WWOX: variants seen among roughly 807,000 people sequenced by gnomAD.
WWOX encodes the protein WW domain containing oxidoreductase.
Under a neutral mutation model 46.2 loss-of-function variants are expected in WWOX, and 69 were observed. The ratio of observed to expected loss-of-function variants is 1.49; its 90% CI spans 1.23 to 1.82. The LOEUF is 1.82. WWOX is among the 40% of genes most tolerant of loss of function. The pLI is 0.00. For synonymous variants in WWOX, 359 were observed against 202.6 expected (o/e 1.77, Z -6.56); for missense variants, 919 against 542.6 (o/e 1.69, Z -6.89).
intron 8 of WWOX, among the ~76,000 whole-genome samples, chr16:78,634,579 G>A (rs924140759): frequency 1.1e-4 from 17 of 152,036 alleles, no homozygotes; most frequent in African/African-American, 3.9e-4. Flanking sequence ...GGTGGCGGGC[G>A]CCTGTAATCC....
intron 8 of WWOX, among the ~76,000 whole-genome samples, chr16:79,208,214 G>A (rs983770173): frequency 2.0e-5 from 3 of 152,180 alleles, no homozygotes; most frequent in African/African-American, 2.4e-5. Context: ...GATCGGAAAT[G>A]GCATTCGGGC....
chr16:78,936,986 A>G (rs1162204661), intron 8 of WWOX, among the ~76,000 whole-genome samples: 2 of 152,152 alleles, frequency 1.3e-5, no homozygotes, highest in African/African-American at 4.8e-5. Context: ...ATCCATTTGG[A>G]TTTGGGAATA....
intron 8 of WWOX, among the ~76,000 whole-genome samples, chr16:78,713,820 G>A (rs1251298007): frequency 1.3e-5 from 2 of 152,124 alleles, no homozygotes; most frequent in Non-Finnish European, 2.9e-5. Flanking sequence ...AACCCCTGTA[G>A]ATAATACAGT....
intron 8 of WWOX, among the ~76,000 whole-genome samples, chr16:79,040,520 C>T (rs2047950796): frequency 1.3e-5 from 2 of 152,236 alleles, no homozygotes; most frequent in South Asian, 4.2e-4. Context: ...AGGTGATCTA[C>T]CTACCTTGGC....
intron 8 of WWOX, among the ~76,000 whole-genome samples, chr16:78,813,427 C>G (rs994366766): frequency 1.3e-5 from 2 of 152,104 alleles, no homozygotes. Flanking sequence ...ATGGAGGATA[C>G]TTGAGCTGAG....
chr16:78,694,664 A>G (rs1417201012), intron 8 of WWOX, among the ~76,000 whole-genome samples: 4 of 152,240 alleles, frequency 2.6e-5, no homozygotes, highest in African/African-American at 9.6e-5. Context: ...AATTACTGAC[A>G]TGGCCTTCTA....
At chr16:78,574,677 T>A (rs372073033) in intron 8 of WWOX, among the ~76,000 whole-genome samples, 2 of 151,886 alleles carry the variant, frequency 1.3e-5, no homozygotes, top group East Asian at 3.9e-4. Flanking sequence ...GGACATTATG[T>A]TAAGTCAAAT....
intron 8 of WWOX, among the ~76,000 whole-genome samples, chr16:79,097,249 C>G (rs2049094821): frequency 6.6e-6 from 1 of 152,026 alleles, no homozygotes; most frequent in African/African-American, 2.4e-5. Context: ...GTCTTTGATT[C>G]CCAGGCCCTC....
intron 8 of WWOX, among the ~76,000 whole-genome samples, chr16:79,162,438 G>C (rs985283355): frequency 1.1e-4 from 17 of 152,164 alleles, no homozygotes; most frequent in Admixed American, 1.1e-3. Context: ...TCTGGATTCC[G>C]TAGGTAGGAT....
At chr16:79,175,728 C>G (rs1352009371) in intron 8 of WWOX, among the ~76,000 whole-genome samples, 1 of 152,036 alleles carries the variant, frequency 6.6e-6, no homozygotes, top group East Asian at 1.9e-4. Flanking sequence ...CGATGTTTAA[C>G]AAAAAAGATC....
At chr16:79,139,758 G>A (rs1388824624) in intron 8 of WWOX, among the ~76,000 whole-genome samples, 1 of 152,164 alleles carries the variant, frequency 6.6e-6, no homozygotes, top group Non-Finnish European at 1.5e-5. Context: ...GGGCAGAGGG[G>A]CAGTCCAATA....
intron 8 of WWOX, among the ~76,000 whole-genome samples, chr16:78,971,938 A>G (rs1470472082): frequency 6.6e-6 from 1 of 152,160 alleles, no homozygotes; most frequent in Non-Finnish European, 1.5e-5. Context: ...ATCCATCGGG[A>G]GCCTCAGGCG....
intron 8 of WWOX, among the ~76,000 whole-genome samples, chr16:78,661,347 G>T (rs974689249): frequency 2.0e-5 from 3 of 152,110 alleles, no homozygotes; most frequent in African/African-American, 4.8e-5. Flanking sequence ...GTATCGTAAG[G>T]TTCTTCTGAA....
chr16:78,972,886 G>A (rs1190342355), intron 8 of WWOX, among the ~76,000 whole-genome samples: 1 of 152,202 alleles, frequency 6.6e-6, no homozygotes, highest in Non-Finnish European at 1.5e-5. Context: ...CCTTGTAAGG[G>A]CTGCCTGTCA....
In WWOX at chr16:78,312,381, C is replaced by CT. The variant is rs561304972; in HGVS notation, c.517-74466dup. ...GCCAGCTGGAGTTGTAGGTCTAATT[C>CT]TTTTTTTTTTTTTAAGACGGAGTTG... On this transcript the variant is annotated intron_variant, in intron 5 of 8. Coordinates refer to ENST00000566780, the MANE Select transcript of WWOX (RefSeq NM_016373.4). 2.1e-3 allele frequency among the ~76,000 whole-genome samples: 284 copies of CT among 132,816 alleles called. 4 individuals carry two copies. The highest frequency in any genetic ancestry group is 4.6e-3 in the African/African-American group (163 of 35,380). The allele number at this position is 132,816 out of a possible 152,430, so 87.1% of individuals were successfully genotyped here.
At chr16:78,825,615 A>G (rs1311690181) in intron 8 of WWOX, 5 of 526,726 alleles carry the variant, frequency 9.5e-6, no homozygotes, top group Non-Finnish European at 1.9e-5. Context: ...AGGAGGGCTT[A>G]CTGTGCGGAG....
chr16:78,866,674 G>T (rs1273520562), intron 8 of WWOX, among the ~76,000 whole-genome samples: 1 of 152,178 alleles, frequency 6.6e-6, no homozygotes. Flanking sequence ...TTGCAACGTA[G>T]CCTGATTGTT....
chr16:78,847,527 TCTTG>T (rs2052331640), intron 8 of WWOX, among the ~76,000 whole-genome samples: 1 of 151,988 alleles, frequency 6.6e-6, no homozygotes, highest in Non-Finnish European at 1.5e-5. Flanking sequence ...GAGAGCAGGG[TCTTG>T]CTATGTTGCC....
At chr16:78,129,868 A>G in intron 4 of WWOX, among the ~76,000 whole-genome samples, 1 of 152,126 alleles carries the variant, frequency 6.6e-6, no homozygotes, top group Admixed American at 6.5e-5. Flanking sequence ...TCTTAAGGTC[A>G]TGGTATTTGG....
Sources: gnomAD v4.1 joint callset for allele counts (sites outside exome capture counted in the v4.1 genomes callset) on GRCh38, gnomAD v4.1.1 for gene constraint, MANE v1.5 for transcripts, NCBI Gene and HGNC (gene_info 2026-07-23, HGNC 2026-07-21) for gene names.